Variants in NTM observed in about 807,000 individuals in gnomAD.
NTM encodes the protein neurotrimin, also known as IgLON family member 2.
Under a neutral mutation model 42.1 loss-of-function variants are expected in NTM, and 13 were observed. The observed-to-expected ratio is 0.31, with a 90% CI of 0.20 to 0.49. The LOEUF is 0.49. Ranked by LOEUF, NTM falls within the 20% of genes least tolerant of loss-of-function variation. The pLI is 0.99. For synonymous variants in NTM, 187 were observed against 179.2 expected, an observed-to-expected ratio of 1.04 and a Z score of -0.35; for missense variants, 373 against 452.8, an observed-to-expected ratio of 0.82 and a Z score of 1.60.
In NTM at chr11:132,010,216, T is replaced by C. The variant is rs2071815881; in HGVS notation, c.167+98568T>C. Among the ~76,000 whole-genome samples, 3 of 152,204 alleles carry C rather than the reference T, an allele frequency of 2.0e-5. 1 individual carries two copies. The highest frequency in any genetic ancestry group is 1.3e-4 in the Admixed American group (2 of 15,278). On this transcript the variant is annotated intron_variant, in intron 2 of 8. Transcript: ENST00000683400. ...AAGTGTTTCAGAAATGATTTCTCCCTCCTATAAAACATACTGAACACAGAA... is the reference window on the plus strand; with the variant it reads ...AAGTGTTTCAGAAATGATTTCTCCCCCCTATAAAACATACTGAACACAGAA...
At chr11:131,791,081 G>C (rs2090863214) in intron 1 of NTM, among the ~76,000 whole-genome samples, 1 of 152,196 alleles carries the variant, frequency 6.6e-6, no homozygotes, top group Admixed American at 6.5e-5. Context: ...CGGTGCCTAT[G>C]TGTACAAGTT....
chr11:131,549,292 C>G (rs2054334225), intron 1 of NTM, among the ~76,000 whole-genome samples: 1 of 152,124 alleles, frequency 6.6e-6, no homozygotes, highest in Non-Finnish European at 1.5e-5. Context: ...GAGAACTTGA[C>G]TCAGCATATT....
chr11:132,100,826 G>A (rs544589093), intron 2 of NTM, among the ~76,000 whole-genome samples: 1 of 152,272 alleles, frequency 6.6e-6, no homozygotes, highest in South Asian at 2.1e-4. Flanking sequence ...TTAATGACGA[G>A]TATCACTGTC....
intron 4 of NTM, among the ~76,000 whole-genome samples, chr11:132,247,291 T>C (rs557565026): frequency 3.9e-5 from 6 of 152,314 alleles, no homozygotes; most frequent in South Asian, 2.1e-4. Flanking sequence ...ATTGGAATTA[T>C]ACAAATTTGG....
chr11:131,885,054 C>G (rs2050166169), intron 1 of NTM, among the ~76,000 whole-genome samples: 2 of 152,158 alleles, frequency 1.3e-5, no homozygotes, highest in Admixed American at 1.3e-4. Flanking sequence ...ATCCCTCATC[C>G]TAATGTAAAG....
At chr11:132,301,013 C>A in intron 4 of NTM, among the ~76,000 whole-genome samples, 1 of 152,158 alleles carries the variant, frequency 6.6e-6, no homozygotes, top group East Asian at 1.9e-4. Context: ...GACACCAGAA[C>A]TCACAGTGGC....
intron 2 of NTM, among the ~76,000 whole-genome samples, chr11:131,947,398 A>G (rs1284425711): frequency 6.6e-6 from 1 of 152,090 alleles, no homozygotes; most frequent in Non-Finnish European, 1.5e-5. Flanking sequence ...CATCTACTCT[A>G]ATTGTCCGGG....
intron 5 of NTM, among the ~76,000 whole-genome samples, chr11:132,308,552 G>A (rs1023222072): frequency 2.0e-5 from 3 of 151,974 alleles, no homozygotes; most frequent in Admixed American, 6.6e-5. Context: ...ACATTCTGGA[G>A]GTTTTCTCTG....
intron 4 of NTM, among the ~76,000 whole-genome samples, chr11:132,287,799 A>C (rs559908281): frequency 1.3e-5 from 2 of 152,220 alleles, no homozygotes; most frequent in Non-Finnish European, 2.9e-5. Flanking sequence ...CTTACATTGC[A>C]TGAGCTTACA....
At chr11:131,925,484 C>T (rs1646007721) in intron 2 of NTM, among the ~76,000 whole-genome samples, 1 of 149,912 alleles carries the variant, frequency 6.7e-6, no homozygotes, top group Non-Finnish European at 1.5e-5. Context: ...TCCCTGGGCT[C>T]AGGTTACCTT....
chr11:131,522,573 T>C (rs1206662906), intron 1 of NTM, among the ~76,000 whole-genome samples: 1 of 152,202 alleles, frequency 6.6e-6, no homozygotes, highest in Non-Finnish European at 1.5e-5. Flanking sequence ...ACAGACCTAT[T>C]TGAGCTAAAG....
intron 1 of NTM, among the ~76,000 whole-genome samples, chr11:131,629,250 T>C (rs2137751724): frequency 6.6e-6 from 1 of 152,076 alleles, no homozygotes; most frequent in African/African-American, 2.4e-5. Flanking sequence ...ATTTTTTTTT[T>C]CCATTCTGTA....
intron 2 of NTM, among the ~76,000 whole-genome samples, chr11:131,921,245 C>T (rs528088445): frequency 1.3e-5 from 2 of 152,270 alleles, no homozygotes; most frequent in East Asian, 1.9e-4. Context: ...TGAGGTCATA[C>T]TAGAGTAGAG....
intron 1 of NTM, among the ~76,000 whole-genome samples, chr11:131,564,806 A>C (rs2056677132): frequency 6.6e-6 from 1 of 152,156 alleles, no homozygotes; most frequent in Non-Finnish European, 1.5e-5. Context: ...TGCTCCCTGC[A>C]AGAATATTCT....
At chr11:132,209,403 G>T (rs2082477167) in intron 3 of NTM, among the ~76,000 whole-genome samples, 2 of 151,114 alleles carry the variant, frequency 1.3e-5, no homozygotes, top group South Asian at 4.2e-4. Context: ...GAGTGTGTAT[G>T]TGTATGTGTG....
At chr11:131,791,564 C>A (rs2090946743) in intron 1 of NTM, among the ~76,000 whole-genome samples, 1 of 152,326 alleles carries the variant, frequency 6.6e-6, no homozygotes, top group African/African-American at 2.4e-5. Context: ...GCCCCTCAGG[C>A]TCCTTCACAA....
At chr11:132,027,425 G>T (rs1180069923) in intron 2 of NTM, among the ~76,000 whole-genome samples, 3 of 152,216 alleles carry the variant, frequency 2.0e-5, no homozygotes, top group South Asian at 4.1e-4. Flanking sequence ...TGCAAGGCAA[G>T]TATCCTGGCA....
intron 1 of NTM, among the ~76,000 whole-genome samples, chr11:131,432,406 G>A (rs1342726498): frequency 6.6e-6 from 1 of 152,114 alleles, no homozygotes; most frequent in Non-Finnish European, 1.5e-5. Context: ...AACTGACAGA[G>A]GATCTTCTTT....
chr11:132,212,604 T>C (rs73597212), intron 4 of NTM, among the ~76,000 whole-genome samples: 3,025 of 152,278 alleles, frequency 0.02, 84 homozygotes, highest in African/African-American at 0.068. Context: ...GAGCTGTTTT[T>C]GTGGTTTTGT....
Sources: gnomAD v4.1 joint callset for allele counts (sites outside exome capture counted in the v4.1 genomes callset) on GRCh38, gnomAD v4.1.1 for gene constraint, MANE v1.5 for transcripts, NCBI Gene and HGNC (gene_info 2026-07-23, HGNC 2026-07-21) for gene names.